The following CHRM3 variants were observed in gnomAD, a reference collection of about 807,000 sequenced individuals.
CHRM3 encodes muscarinic acetylcholine receptor M3.
In CHRM3, 11 loss-of-function variants were observed where a neutral mutation model predicts 41.8. The observed-to-expected ratio is 0.26, with a 90% CI of 0.17 to 0.44. The LOEUF (loss-of-function observed/expected upper bound fraction) is 0.44. CHRM3 is among the 20% of genes least tolerant of loss of function. The pLI, the probability that CHRM3 is intolerant of heterozygous loss-of-function variation, is 1.00. For missense variants in CHRM3, 571 were observed against 745.4 expected (o/e 0.77, Z 2.72); for synonymous variants, 297 against 301.4 (o/e 0.99, Z 0.15).
chr1:239,859,430 T>G lies in CHRM3; in HGVS notation c.-20+32052T>G, dbSNP rs1485213820. On this transcript the variant is annotated intron_variant, in intron 6 of 6. Coordinates refer to ENST00000676153, the MANE Select transcript of CHRM3 (RefSeq NM_001375978.1). ...TTGTTGTTGTTGTTGTTTTTTTTTT[T>G]TGTTTTTTTTTTTGAGGTGGAGTCT... Among the ~76,000 whole-genome samples the G allele has an allele frequency of 2.2e-3, 313 of 145,256 alleles. 2 individuals are homozygous for G. The highest frequency in any genetic ancestry group is 6.7e-3 in the African/African-American group (265 of 39,436).
chr1:239,867,448 G>A (rs2149303221), intron 6 of CHRM3, among the ~76,000 whole-genome samples: 1 of 152,284 alleles, frequency 6.6e-6, no homozygotes, highest in East Asian at 1.9e-4. Flanking sequence ...AGCACTTTGG[G>A]AAGCCGCGGC....
At chr1:239,755,180 C>T (rs978822783) in intron 5 of CHRM3, among the ~76,000 whole-genome samples, 2 of 152,140 alleles carry the variant, frequency 1.3e-5, no homozygotes, top group East Asian at 1.9e-4. Context: ...GGACTCCACC[C>T]TCCTGTTTTT....
At chr1:239,510,080 C>T (rs755635616) in intron 2 of CHRM3, among the ~76,000 whole-genome samples, 12 of 152,020 alleles carry the variant, frequency 7.9e-5, no homozygotes, top group Non-Finnish European at 1.3e-4. Context: ...CATAAGACTC[C>T]GTCACAAACA....
At chr1:239,465,516 T>A (rs1227263921) in intron 1 of CHRM3, among the ~76,000 whole-genome samples, 1 of 152,116 alleles carries the variant, frequency 6.6e-6, no homozygotes, top group East Asian at 1.9e-4. Context: ...AAAGATTGGA[T>A]GTGGTGTTGG....
At chr1:239,454,897 G>A (rs1558236181) in intron 1 of CHRM3, among the ~76,000 whole-genome samples, 1 of 152,038 alleles carries the variant, frequency 6.6e-6, no homozygotes, top group Non-Finnish European at 1.5e-5. Context: ...GCATGTGTAC[G>A]GGTTGGTGTA....
At chr1:239,579,227 A>G (rs1241509770) in intron 3 of CHRM3, among the ~76,000 whole-genome samples, 2 of 152,106 alleles carry the variant, frequency 1.3e-5, no homozygotes, top group African/African-American at 2.4e-5. Flanking sequence ...TACTAGCTCT[A>G]CCAAAGGAAA....
rs535292735 is a variant in CHRM3, at chr1:239,609,572, T to C, written c.-312-22652T>C. ...TTAAATTTTTAGGAAACTGCCAAAC[T>C]CTTTTTTCAAAACGGTTATAGCATT... On this transcript the variant is annotated intron_variant, in intron 3 of 6. Coordinates refer to ENST00000676153, the MANE Select transcript of CHRM3 (RefSeq NM_001375978.1). Among the ~76,000 whole-genome samples the C allele has an allele frequency of 3.3e-5, 5 of 152,358 alleles. No individual in the cohort carries two copies. In the South Asian group the frequency reaches 1.0e-3, roughly 32 times the overall value.
At chr1:239,573,663 T>C (rs1439850225) in intron 3 of CHRM3, among the ~76,000 whole-genome samples, 2 of 152,010 alleles carry the variant, frequency 1.3e-5, no homozygotes, top group African/African-American at 4.8e-5. Context: ...TGCCTGCTAA[T>C]AGGTACTCCA....
At chr1:239,504,264 A>G (rs2148152960) in intron 2 of CHRM3, among the ~76,000 whole-genome samples, 1 of 152,366 alleles carries the variant, frequency 6.6e-6, no homozygotes, top group Middle Eastern at 3.4e-3. Flanking sequence ...GAGGACATGC[A>G]TAGGCAATTC....
chr1:239,822,091 G>A (rs1347267653), intron 5 of CHRM3, among the ~76,000 whole-genome samples: 5 of 152,168 alleles, frequency 3.3e-5, no homozygotes, highest in Non-Finnish European at 5.9e-5. Flanking sequence ...ACCCAGTCTC[G>A]GGTATTTCTT....
At chr1:239,891,056 A>G (rs1678512100) in intron 6 of CHRM3, among the ~76,000 whole-genome samples, 1 of 152,166 alleles carries the variant, frequency 6.6e-6, no homozygotes. Context: ...ACAGTTTGCA[A>G]TCAGGTGTAC....
chr1:239,799,124 A>G (rs1670010075), intron 5 of CHRM3, among the ~76,000 whole-genome samples: 1 of 152,134 alleles, frequency 6.6e-6, no homozygotes, highest in South Asian at 2.1e-4. Flanking sequence ...GTACCAATGG[A>G]AGAGAGAATG....
At chr1:239,616,353 A>G (rs1667632052) in intron 3 of CHRM3, among the ~76,000 whole-genome samples, 1 of 152,176 alleles carries the variant, frequency 6.6e-6, no homozygotes, top group African/African-American at 2.4e-5. Flanking sequence ...ACATTTTACC[A>G]TGCAACTGTT....
rs1416382 is a variant in CHRM3, at chr1:239,563,462, G to A, written c.-313+17713G>A. Among the ~76,000 whole-genome samples the A allele has an allele frequency of 2.0e-3, 308 of 152,174 alleles. 5 individuals are homozygous for A. In the South Asian group the frequency reaches 0.026, roughly 13 times the overall value. ...TAAAGCTTAAAAAAAATGTAAAAGA[G>A]GCTTGAGTTACCTTTCTACTGGTTC... On this transcript the variant is annotated intron_variant, in intron 3 of 6. Coordinates refer to ENST00000676153, the MANE Select transcript of CHRM3 (RefSeq NM_001375978.1).
intron 1 of CHRM3, among the ~76,000 whole-genome samples, chr1:239,474,244 T>C (rs1384558794): frequency 1.3e-5 from 2 of 152,256 alleles, no homozygotes; most frequent in East Asian, 3.9e-4. Flanking sequence ...TACGTTGAAA[T>C]ATATTTCTCA....
intron 5 of CHRM3, chr1:239,705,199 C>A (rs760030197): frequency 6.6e-6 from 1 of 151,970 alleles, no homozygotes; most frequent in Admixed American, 6.6e-5. Flanking sequence ...AGAGCAAGAC[C>A]CCGACTCAAA....
At chr1:239,531,590 C>CATGTATGCT (rs201755040) in intron 2 of CHRM3, among the ~76,000 whole-genome samples, 2,033 of 139,778 alleles carry the variant, frequency 0.015, 38 homozygotes, top group South Asian at 0.042. Flanking sequence ...AAACAAAAAT[C>CATGTATGCT]ATGTATGCTA....
At chr1:239,500,566 T>C (rs1668168060) in intron 2 of CHRM3, among the ~76,000 whole-genome samples, 2 of 151,304 alleles carry the variant, frequency 1.3e-5, no homozygotes, top group South Asian at 4.2e-4. Context: ...TGTATACATA[T>C]GTAACAAACC....
chr1:239,637,723 T>G (rs938582727), intron 4 of CHRM3, among the ~76,000 whole-genome samples: 4 of 149,246 alleles, frequency 2.7e-5, no homozygotes, highest in African/African-American at 4.9e-5. Flanking sequence ...TTTTTTTTTT[T>G]TGGGGAATTT....
Sources: allele counts gnomAD v4.1 joint callset (sites outside exome capture counted in the v4.1 genomes callset), GRCh38; gene constraint gnomAD v4.1.1; transcripts MANE v1.5; gene names NCBI Gene and HGNC (gene_info 2026-07-23, HGNC 2026-07-21).